NCKAP1: variants seen among roughly 807,000 people sequenced by gnomAD.
The protein encoded by NCKAP1 is NCK associated protein 1.
In NCKAP1, 21 loss-of-function variants were observed where a neutral mutation model predicts 151.2. That is an observed-to-expected ratio of 0.14 (90% CI 0.10 to 0.20). The LOEUF is 0.20. Ranked by LOEUF, NCKAP1 falls within the 10% of genes least tolerant of loss-of-function variation. NCKAP1 has a pLI of 1.00. For missense variants in NCKAP1, 933 were observed against 1,352.1 expected (o/e 0.69, Z 4.86); for synonymous variants, 484 against 451.8 (o/e 1.07, Z -0.90).
At chr2:182,964,944 C>A in intron 16 of NCKAP1, 136 bp from the exon 17 acceptor site, 1 of 564,276 alleles carries the variant, frequency 1.8e-6, no homozygotes, top group African/African-American at 1.9e-5. Context: ...ATTTTTCCCC[C>A]AAAGTATCTT....
intron 30 of NCKAP1, 118 bp from the exon 31 acceptor site, chr2:182,925,936 T>C (rs1372105330): frequency 6.2e-6 from 3 of 482,660 alleles, no homozygotes; most frequent in Admixed American, 4.1e-5. Flanking sequence ...AACTTCTATA[T>C]TGTTCTTATT....
Position 182,916,431 on chromosome 2 carries a change from A to G in NCKAP1, c.*9271T>C, listed in dbSNP as rs575696864. 1 of 152,362 alleles carries G rather than the reference A, an allele frequency of 6.6e-6. No homozygotes were observed. The highest frequency in any genetic ancestry group is 6.5e-5 in the Admixed American group (1 of 15,298). The allele number at this position is 152,362 out of a possible 1,614,324, so 9.4% of individuals were successfully genotyped here. ...AGGAAATTTGACTAAACAGACAGAA[A>G]GATGAAATAAACCTAGACCGTGACC... On this transcript the variant is annotated 3_prime_UTR_variant, in exon 31 of 31. Coordinates refer to ENST00000361354, the MANE Select transcript of NCKAP1 (RefSeq NM_013436.5).
chr2:183,023,743 G>A (rs1425286438), intron 2 of NCKAP1, 63 bp downstream of exon 2: 26 of 1,313,290 alleles, frequency 2.0e-5, no homozygotes, highest in East Asian at 9.2e-5. Flanking sequence ...TAAGCACTGT[G>A]TTGACCACTG....
chr2:183,010,034 C>T (rs1016208663), intron 2 of NCKAP1, among the ~76,000 whole-genome samples: 3 of 152,186 alleles, frequency 2.0e-5, no homozygotes, highest in Non-Finnish European at 4.4e-5. Flanking sequence ...GTTCACACTG[C>T]TAGTCTTCTG....
At position 183,038,215 on chromosome 2, in the gene NCKAP1, G is replaced by T. The variant is rs112105579; in HGVS notation, c.-116C>A. 0.094 allele frequency: 62,160 copies of T among 663,844 alleles called. 3,341 individuals carry two copies. The highest frequency in any genetic ancestry group is 0.11 in the Non-Finnish European group (48,932 of 433,208). The allele number at this position is 663,844 out of a possible 1,614,324, so 41.1% of individuals were successfully genotyped here. On this transcript the variant is annotated 5_prime_UTR_variant, in exon 1 of 31. Coordinates refer to ENST00000361354, the MANE Select transcript of NCKAP1 (RefSeq NM_013436.5). ...CTCCCGCCCGCGACCTCCGCCTTAGGAGAGCGCGCCCATGGCCCTCGCGCC... is the reference window on the plus strand; with the variant it reads ...CTCCCGCCCGCGACCTCCGCCTTAGTAGAGCGCGCCCATGGCCCTCGCGCC...
intron 24 of NCKAP1, among the ~76,000 whole-genome samples, chr2:182,938,946 T>C (rs1269909742): frequency 6.6e-6 from 1 of 152,152 alleles, no homozygotes; most frequent in African/African-American, 2.4e-5. Flanking sequence ...AATTTCAAAG[T>C]TCAAGATTTT....
In NCKAP1 at chr2:183,003,208, A is replaced by T. The variant is rs547927586; in HGVS notation, c.312+25T>A. ...CATTTAAATCTACTTCTGAAGTGTT[A>T]AATATTATATATTAAAATACATACC... On this transcript the variant is annotated intron_variant, in intron 3 of 30. Coordinates refer to ENST00000361354, the MANE Select transcript of NCKAP1 (RefSeq NM_013436.5). 6 of 1,350,478 alleles carry T rather than the reference A, an allele frequency of 4.4e-6. 1 individual carries two copies. The South Asian group carries it at 5.4e-5, about 12-fold the overall frequency. 83.7% of individuals were successfully genotyped at this position (1,350,478 alleles called of 1,614,324 possible). A position where few individuals can be genotyped will look rare whatever the true frequency, so the allele number is the denominator to read the frequency against.
chr2:182,999,783 G>C (rs774776392), intron 6 of NCKAP1, among the ~76,000 whole-genome samples: 59 of 152,154 alleles, frequency 3.9e-4, no homozygotes, highest in Admixed American at 2.0e-3. Flanking sequence ...TGGATAAAGA[G>C]AGTGTGGTAT....
At chr2:182,926,941 A>G (rs1180901509) in intron 29 of NCKAP1, 36 bp from the exon 30 acceptor site, 2 of 1,392,734 alleles carry the variant, frequency 1.4e-6, no homozygotes, top group African/African-American at 1.4e-5. Context: ...TGAGTTTGTT[A>G]ATAAAAGGTT....
chr2:182,913,594 C>T lies in NCKAP1; in HGVS notation c.*12108G>A, dbSNP rs1191441292. 6.6e-6 allele frequency: 1 copy of T among 152,224 alleles called. No individual in the cohort carries two copies. Among genetic ancestry groups the T allele is most frequent in the Non-Finnish European group, 1.5e-5 (1 of 68,042 alleles). 9.4% of individuals were successfully genotyped at this position (152,224 alleles called of 1,614,324 possible). A position where few individuals can be genotyped will look rare whatever the true frequency, so the allele number is the denominator to read the frequency against. ...GAACCCTTGACCTTGTACTTCCCAGCATCTAAAATGGTAAGCAATAAATTT... is the reference window on the plus strand; with the variant it reads ...GAACCCTTGACCTTGTACTTCCCAGTATCTAAAATGGTAAGCAATAAATTT... On this transcript the variant is annotated 3_prime_UTR_variant, in exon 31 of 31. Transcript: ENST00000361354.
chr2:183,038,092 C>A lies in NCKAP1; in HGVS notation c.8G>T (p.Arg3Leu). 6.4e-7 allele frequency: 1 copy of A among 1,572,288 alleles called. No homozygotes were observed. The highest frequency in any genetic ancestry group is 8.6e-7 in the Non-Finnish European group (1 of 1,168,466). The stretch of plus-strand genomic sequence containing the variant: ...CTGCTGACTGGGCTGCAGCACTGAG[C>A]GCGACATGGTGGTGCTGGTGCCGCC... MS[R>L]SVLQPSQQKL... Residue 3 changes from arginine (R) to leucine (L), a missense_variant, in exon 1 of 31, where the codon CGC (arginine) becomes CTC (leucine). By Grantham distance (102) the Arg-to-Leu change is moderately radical. Around this residue, in one of 2 missense-constraint regions of NCKAP1, gnomAD observed 607 missense variants for 795.0 expected, o/e 0.76. Coordinates refer to ENST00000361354, the MANE Select transcript of NCKAP1 (RefSeq NM_013436.5).
At chr2:183,026,630 C>G (rs1314339452) in intron 1 of NCKAP1, among the ~76,000 whole-genome samples, 1 of 151,952 alleles carries the variant, frequency 6.6e-6, no homozygotes, top group Non-Finnish European at 1.5e-5. Context: ...AGGTTAAAAA[C>G]AAATATTCTG....
intron 16 of NCKAP1, 59 bp downstream of exon 16, chr2:182,967,157 G>A: frequency 6.8e-7 from 1 of 1,475,222 alleles, no homozygotes; most frequent in South Asian, 1.3e-5. Context: ...AAATAATCAA[G>A]AAACATATAT....
At chr2:182,976,224 A>G (rs1413600337) in intron 15 of NCKAP1, among the ~76,000 whole-genome samples, 1 of 152,226 alleles carries the variant, frequency 6.6e-6, no homozygotes, top group South Asian at 2.1e-4. Flanking sequence ...AGGTTACAGT[A>G]TACACCAAGG....
chr2:183,038,281 C>T lies in NCKAP1; in HGVS notation c.-182G>A. ...CGACAGAGCGAGCCGCGGCGGACTCCTCGGAGCCCCTTCTCCCGCAGCAGC... is the reference window on the plus strand; with the variant it reads ...CGACAGAGCGAGCCGCGGCGGACTCTTCGGAGCCCCTTCTCCCGCAGCAGC... On this transcript the variant is annotated 5_prime_UTR_variant, in exon 1 of 31. Coordinates refer to ENST00000361354, the MANE Select transcript of NCKAP1 (RefSeq NM_013436.5). 2.4e-6 allele frequency: 1 copy of T among 414,312 alleles called. No individual in the cohort carries two copies. The highest frequency in any genetic ancestry group is 4.6e-5 in the Admixed American group (1 of 21,684). The allele number at this position is 414,312 out of a possible 1,614,324, so 25.7% of individuals were successfully genotyped here. A position where few individuals can be genotyped will look rare whatever the true frequency, so the allele number is the denominator to read the frequency against.
At chr2:183,005,232 G>A (rs550746005) in intron 2 of NCKAP1, among the ~76,000 whole-genome samples, 2 of 152,166 alleles carry the variant, frequency 1.3e-5, no homozygotes, top group South Asian at 4.2e-4. Flanking sequence ...AGATATGAAG[G>A]GTATAATTTG....
intron 1 of NCKAP1, among the ~76,000 whole-genome samples, chr2:183,036,246 T>C (rs1575077887): frequency 6.6e-6 from 1 of 152,210 alleles, no homozygotes; most frequent in Admixed American, 6.5e-5. Flanking sequence ...GCATTTATCC[T>C]ACAAAAATGT....
Position 182,978,885 on chromosome 2 carries a change from T to C in NCKAP1, c.1372A>G (p.Ile458Val), listed in dbSNP as rs145832869. 93 of 1,608,914 alleles carry C rather than the reference T, an allele frequency of 5.8e-5. No individual in the cohort carries two copies. The highest frequency in any genetic ancestry group is 7.6e-5 in the Non-Finnish European group (89 of 1,176,618). Residue 458 changes from isoleucine (I) to valine (V), a missense_variant, in exon 14 of 31, where the codon ATC becomes GTC. Transcript: ENST00000361354. ...GTGTTAACAAAAGAGGACATGATGATTGATTCATCTTCAGGGCAAACAGAA... is the reference window on the plus strand; with the variant it reads ...GTGTTAACAAAAGAGGACATGATGACTGATTCATCTTCAGGGCAAACAGAA... The part of the protein sequence containing the change: ...NLSVCPEDES[I>V]IMSSFVNTMT...
intron 8 of NCKAP1, among the ~76,000 whole-genome samples, chr2:182,990,569 T>C (rs1559096529): frequency 6.6e-6 from 1 of 152,174 alleles, no homozygotes; most frequent in Non-Finnish European, 1.5e-5. Context: ...ATATCCTCTC[T>C]AGTCTTCCAT....
Sources: gnomAD v4.1 joint callset for allele counts (sites outside exome capture counted in the v4.1 genomes callset) on GRCh38, gnomAD v4.1.1 for gene constraint, gnomAD v4.1.1 regional missense constraint, MANE v1.5 for transcripts, NCBI Gene and HGNC (gene_info 2026-07-23, HGNC 2026-07-21) for gene names.